The following GPC6 variants were observed in gnomAD, a reference collection of about 807,000 sequenced individuals.
GPC6 encodes glypican-6.
A neutral mutation model predicts 55.2 loss-of-function variants in GPC6; 14 were observed. The ratio of observed to expected loss-of-function variants is 0.25; its 90% CI spans 0.17 to 0.40. The LOEUF (loss-of-function observed/expected upper bound fraction) is 0.40, where lower values mean the gene tolerates loss of function less well. Ranked by LOEUF, GPC6 falls within the 10% of genes least tolerant of loss-of-function variation. The probability of loss-of-function intolerance (pLI) is 1.00; values close to 1 mark genes in which losing one functional copy is unlikely to be tolerated. For synonymous variants in GPC6, 278 were observed against 259.6 expected, an observed-to-expected ratio of 1.07 and a Z score of -0.68; for missense variants, 641 against 708.5, an observed-to-expected ratio of 0.90 and a Z score of 1.08.
At chr13:94,126,136 G>A (rs78289461) in intron 4 of GPC6, among the ~76,000 whole-genome samples, 74 of 152,256 alleles carry the variant, frequency 4.9e-4, no homozygotes, top group African/African-American at 1.8e-3. Flanking sequence ...CCAACACTTT[G>A]GGAGAGGCAG....
At chr13:94,168,334 G>A (rs147086142) in intron 4 of GPC6, among the ~76,000 whole-genome samples, 8 of 152,312 alleles carry the variant, frequency 5.3e-5, no homozygotes, top group African/African-American at 1.9e-4. Context: ...GCGTGCTCAC[G>A]CATAGATTTG....
chr13:93,229,285 T>A (rs1221763481), intron 1 of GPC6, among the ~76,000 whole-genome samples: 1 of 152,118 alleles, frequency 6.6e-6, no homozygotes, highest in Non-Finnish European at 1.5e-5. Context: ...TTCAACTTTT[T>A]AAAAGGTTTA....
intron 1 of GPC6, among the ~76,000 whole-genome samples, chr13:93,497,180 G>A (rs937486132): frequency 6.6e-6 from 1 of 152,168 alleles, no homozygotes; most frequent in Non-Finnish European, 1.5e-5. Context: ...TTTCATGAAA[G>A]CATAATGTTT....
intron 3 of GPC6, among the ~76,000 whole-genome samples, chr13:93,931,726 TGCACTCCA>T (rs1461010581): frequency 2.2e-5 from 3 of 134,862 alleles, no homozygotes; most frequent in Non-Finnish European, 4.5e-5. Context: ...ATCGCGCCAC[TGCACTCCA>T]GCCTGGGAGA....
intron 4 of GPC6, among the ~76,000 whole-genome samples, chr13:94,221,114 C>G (rs954091146): frequency 2.0e-5 from 3 of 152,106 alleles, no homozygotes; most frequent in Non-Finnish European, 4.4e-5. Context: ...CAAGTATTAT[C>G]TGGTGACTAC....
chr13:94,385,390 C>G (rs979774697), intron 7 of GPC6, among the ~76,000 whole-genome samples: 1 of 152,136 alleles, frequency 6.6e-6, no homozygotes, highest in African/African-American at 2.4e-5. Context: ...GATCAGTCCT[C>G]AGGAAAAAGA....
At chr13:93,731,082 G>A (rs1355376697) in intron 2 of GPC6, among the ~76,000 whole-genome samples, 3 of 152,136 alleles carry the variant, frequency 2.0e-5, no homozygotes, top group African/African-American at 7.2e-5. Context: ...ATGAGGGAGT[G>A]TGGGATACAG....
chr13:94,021,405 A>C (rs1005100263), intron 3 of GPC6, among the ~76,000 whole-genome samples: 30 of 152,150 alleles, frequency 2.0e-4, no homozygotes, highest in African/African-American at 6.5e-4. Context: ...AGATATAGAA[A>C]TCTTAAGTGT....
chr13:94,078,898 A>G (rs1316234815), intron 4 of GPC6, among the ~76,000 whole-genome samples: 1 of 152,020 alleles, frequency 6.6e-6, no homozygotes, highest in Non-Finnish European at 1.5e-5. Context: ...TCATTTTATG[A>G]GCCCAGCATT....
chr13:94,266,232 G>T lies in GPC6; in HGVS notation c.878-20117G>T, dbSNP rs560690949. On this transcript the variant is annotated intron_variant, in intron 4 of 8. Coordinates refer to ENST00000377047, the MANE Select transcript of GPC6 (RefSeq NM_005708.5). ...TGCCCAGGCTGGAGTGCAGTGGCAC[G>T]ATCTTGGCTCACTGCAAGCTCCGCC... is the stretch of plus-strand genomic sequence containing the variant. 2.6e-5 allele frequency among the ~76,000 whole-genome samples: 4 copies of T among 151,308 alleles called. No individual in the cohort carries two copies. The East Asian group carries it at 7.8e-4, about 30-fold the overall frequency.
At chr13:93,324,519 T>A (rs4773733) in intron 1 of GPC6, among the ~76,000 whole-genome samples, 1 of 147,534 alleles carries the variant, frequency 6.8e-6, no homozygotes, top group African/African-American at 2.5e-5. Flanking sequence ...ATGCTTGTAT[T>A]AAAATATCTC....
Position 93,638,045 on chromosome 13 carries a change from C to CA in GPC6, c.319+92633dup, listed in dbSNP as rs199746492. On this transcript the variant is annotated intron_variant, in intron 2 of 8. Transcript: ENST00000377047. ...CGGAGTTCACAAATTGCTGAGCTTT[C>CA]AAAAAAAAATCAATAATGAAGTCAA... Among the ~76,000 whole-genome samples, 519 of 150,752 alleles carry CA rather than the reference C, an allele frequency of 3.4e-3. 7 individuals carry two copies. The highest frequency in any genetic ancestry group is 0.018 in the South Asian group (88 of 4,768).
intron 4 of GPC6, among the ~76,000 whole-genome samples, chr13:94,192,487 A>ACGTAGT (rs1889429061): frequency 6.6e-6 from 1 of 152,170 alleles, no homozygotes; most frequent in African/African-American, 2.4e-5. Context: ...AAAGGGTACC[A>ACGTAGT]CGTAGTCAAT....
chr13:93,261,058 A>G (rs1460043181), intron 1 of GPC6, among the ~76,000 whole-genome samples: 2 of 152,170 alleles, frequency 1.3e-5, no homozygotes, highest in Admixed American at 1.3e-4. Context: ...CCAAAAGGAA[A>G]GTAGTTTCTT....
At chr13:93,245,245 T>G (rs1176448076) in intron 1 of GPC6, among the ~76,000 whole-genome samples, 1 of 152,240 alleles carries the variant, frequency 6.6e-6, no homozygotes. Context: ...GGCTATAATG[T>G]GGGGCACTGA....
chr13:93,396,605 C>T (rs1290078540), intron 1 of GPC6, among the ~76,000 whole-genome samples: 1 of 146,134 alleles, frequency 6.8e-6, no homozygotes, highest in African/African-American at 2.5e-5. Flanking sequence ...AATAATAGAA[C>T]TATAAGCTCT....
intron 1 of GPC6, among the ~76,000 whole-genome samples, chr13:93,507,742 T>A (rs1435019116): frequency 6.6e-6 from 1 of 152,186 alleles, no homozygotes; most frequent in Non-Finnish European, 1.5e-5. Flanking sequence ...TAGAATGTTT[T>A]TCGAGGTAGG....
intron 4 of GPC6, among the ~76,000 whole-genome samples, chr13:94,189,845 C>T (rs1462997939): frequency 6.6e-6 from 1 of 151,924 alleles, no homozygotes; most frequent in South Asian, 2.1e-4. Context: ...CATGGTGAAA[C>T]GCCGTCTCTA....
At chr13:93,401,095 T>A (rs1205651289) in intron 1 of GPC6, among the ~76,000 whole-genome samples, 3 of 152,022 alleles carry the variant, frequency 2.0e-5, no homozygotes, top group Non-Finnish European at 4.4e-5. Flanking sequence ...TATATCACCT[T>A]TGTGGTCTTC....
Sources: allele counts gnomAD v4.1 joint callset (sites outside exome capture counted in the v4.1 genomes callset), GRCh38; gene constraint gnomAD v4.1.1; transcripts MANE v1.5; gene names NCBI Gene and HGNC (gene_info 2026-07-23, HGNC 2026-07-21).